MINAR2: variants seen among roughly 807,000 people sequenced by gnomAD.
MINAR2 encodes the protein major intrinsically disordered NOTCH2-binding receptor 1-like.
Under a neutral mutation model 16.1 loss-of-function variants are expected in MINAR2, and 21 were observed. The observed-to-expected ratio is 1.31, with a 90% CI of 0.93 to 1.88. The LOEUF (loss-of-function observed/expected upper bound fraction) is 1.88, where lower values mean the gene tolerates loss of function less well. Ranked by LOEUF, MINAR2 falls within the 40% of genes most tolerant of loss-of-function variation. The pLI is 0.00. For synonymous variants in MINAR2, 86 were observed against 83.0 expected (o/e 1.04, Z -0.20); for missense variants, 259 against 229.8 (o/e 1.13, Z -0.82).
At chr5:129,756,934 T>TAAAAAA (rs34547893) in intron 1 of MINAR2, among the ~76,000 whole-genome samples, 13 of 73,972 alleles carry the variant, frequency 1.8e-4, no homozygotes, top group South Asian at 5.0e-4. Context: ...CTTTCCACAG[T>TAAAAAA]AAAAAAAAAA....
intron 1 of MINAR2, among the ~76,000 whole-genome samples, chr5:129,758,578 A>T (rs1758084760): frequency 6.6e-6 from 1 of 151,988 alleles, no homozygotes; most frequent in Non-Finnish European, 1.5e-5. Flanking sequence ...ATTGTAATAG[A>T]GTGTGTACTT....
At chr5:129,751,241 C>A (rs1381527677) in intron 1 of MINAR2, among the ~76,000 whole-genome samples, 3 of 152,038 alleles carry the variant, frequency 2.0e-5, no homozygotes, top group Non-Finnish European at 2.9e-5. Flanking sequence ...CATAGTCTCA[C>A]TCTGTCACCC....
Position 129,765,152 on chromosome 5 carries a change from AC to A in MINAR2, c.*90del, listed in dbSNP as rs1204077962. ...CCCCCCCCACCAAAATAACAAAAAA[AC>A]ACATGTACATGCAGTGTGAATGGAT... On this transcript the variant is annotated 3_prime_UTR_variant, in exon 3 of 3. Transcript: ENST00000564719. 2.1e-5 allele frequency: 15 copies of A among 699,324 alleles called. No homozygotes were observed. The highest frequency in any genetic ancestry group is 6.0e-5 in the South Asian group (1 of 16,732). The allele number at this position is 699,324 out of a possible 1,614,324, so 43.3% of individuals were successfully genotyped here. A position where few individuals can be genotyped will look rare whatever the true frequency, so the allele number is the denominator to read the frequency against.
chr5:129,764,710 C>T (rs1758185491), intron 2 of MINAR2, among the ~76,000 whole-genome samples, 174 bp from the exon 3 acceptor site: 2 of 151,912 alleles, frequency 1.3e-5, no homozygotes, highest in African/African-American at 2.4e-5. Context: ...CAATTTTATG[C>T]TATTCAAGGA....
At position 129,766,378 on chromosome 5, in the gene MINAR2, C is replaced by G. The variant is rs1171841991; in HGVS notation, c.*1315C>G. ...TTGGGCTGGGCGCGGTGGCTCGCGC[C>G]TGTAATCCCAGCACTTTGGGAGGCT... On this transcript the variant is annotated 3_prime_UTR_variant, in exon 3 of 3. Transcript: ENST00000564719. The G allele has an allele frequency of 6.6e-6, 1 of 152,244 alleles. No homozygotes were observed. The highest frequency in any genetic ancestry group is 1.5e-5 in the Non-Finnish European group (1 of 68,108). The allele number at this position is 152,244 out of a possible 1,614,324, so 9.4% of individuals were successfully genotyped here.
intron 2 of MINAR2, among the ~76,000 whole-genome samples, chr5:129,763,115 A>G (rs1396832076): frequency 6.6e-6 from 1 of 152,156 alleles, no homozygotes; most frequent in Non-Finnish European, 1.5e-5. Context: ...ATATACAATG[A>G]GTGCCATGTT....
At chr5:129,760,827 G>A (rs1038001424) in intron 2 of MINAR2, among the ~76,000 whole-genome samples, 1 of 152,158 alleles carries the variant, frequency 6.6e-6, no homozygotes, top group Non-Finnish European at 1.5e-5. Flanking sequence ...ACTGTACAGT[G>A]TAGAGAAGAA....
At chr5:129,754,540 T>TA (rs1490882624) in intron 1 of MINAR2, among the ~76,000 whole-genome samples, 1 of 152,170 alleles carries the variant, frequency 6.6e-6, no homozygotes, top group Admixed American at 6.5e-5. Flanking sequence ...GACCATGATG[T>TA]ATCGTTTTAT....
intron 1 of MINAR2, among the ~76,000 whole-genome samples, chr5:129,756,347 T>C (rs1375596514): frequency 6.6e-6 from 1 of 152,046 alleles, no homozygotes; most frequent in Non-Finnish European, 1.5e-5. Context: ...TTTCCATAAG[T>C]TATTGAGGTA....
At chr5:129,755,236 T>C (rs1758040520) in intron 1 of MINAR2, among the ~76,000 whole-genome samples, 1 of 152,128 alleles carries the variant, frequency 6.6e-6, no homozygotes. Context: ...TATTGTAGGA[T>C]TCTGTTCAGC....
At chr5:129,759,016 A>G (rs1225288562) in intron 1 of MINAR2, among the ~76,000 whole-genome samples, 1 of 152,062 alleles carries the variant, frequency 6.6e-6, no homozygotes, top group Non-Finnish European at 1.5e-5. Flanking sequence ...AAATTAGGGA[A>G]ATCCAACACC....
intron 2 of MINAR2, chr5:129,762,809 T>TGAAAG (rs2149547039): frequency 1.2e-5 from 2 of 171,102 alleles, no homozygotes; most frequent in South Asian, 3.5e-4. Flanking sequence ...AAATCACATC[T>TGAAAG]GATTATAAAA....
At chr5:129,751,030 G>A (rs900149627) in intron 1 of MINAR2, among the ~76,000 whole-genome samples, 2 of 152,078 alleles carry the variant, frequency 1.3e-5, no homozygotes, top group African/African-American at 2.4e-5. Context: ...CTTCAAACTC[G>A]GGGTAACTCA....
At position 129,748,238 on chromosome 5, in the gene MINAR2, G is replaced by A. The variant is rs945555143; in HGVS notation, c.48G>A (p.Leu16=). 1.3e-6 allele frequency: 2 copies of A among 1,535,214 alleles called. No homozygotes were observed. The change falls in exon 1 of 3, where the codon CTG becomes CTA. Residue 16 remains leucine, a synonymous_variant. Coordinates refer to ENST00000564719, the MANE Select transcript of MINAR2 (RefSeq NM_001257308.2). Reference sequence around the variant, plus strand: ...ATAACAACCATCCTGACAAATTCCTGCAGCTTGACGTAAAGTCTTTAACGA... The same window carrying A: ...ATAACAACCATCCTGACAAATTCCTACAGCTTGACGTAAAGTCTTTAACGA... ...LPNNNHPDKF[L]QLDVKSLTRS...
intron 1 of MINAR2, among the ~76,000 whole-genome samples, chr5:129,753,765 G>A (rs752488030): frequency 3.0e-4 from 46 of 150,960 alleles, no homozygotes; most frequent in Admixed American, 1.3e-3. Context: ...GAGAGAGAGA[G>A]AGAGAGTGAG....
rs1757938327 is a variant in MINAR2 at position 129,748,107 on chromosome 5, G to A, written c.-84G>A. The A allele has an allele frequency of 7.7e-7, 1 of 1,293,360 alleles. No homozygotes were observed. The highest frequency in any genetic ancestry group is 1.1e-6 in the Non-Finnish European group (1 of 950,146). 80.1% of individuals were successfully genotyped at this position (1,293,360 alleles called of 1,614,324 possible). On this transcript the variant is annotated 5_prime_UTR_variant, in exon 1 of 3. Transcript: ENST00000564719. ...AGACTTGGTTTCAGATGCAGTCAGAGCATCCTCAGGCACATTAATAATGGA... is the reference window on the plus strand; with the variant it reads ...AGACTTGGTTTCAGATGCAGTCAGAACATCCTCAGGCACATTAATAATGGA...
chr5:129,763,477 G>T (rs1201171254), intron 2 of MINAR2, among the ~76,000 whole-genome samples: 2 of 152,248 alleles, frequency 1.3e-5, no homozygotes, highest in African/African-American at 4.8e-5. Flanking sequence ...AAAGAGAAAA[G>T]AAATCCATGT....
In MINAR2 at chr5:129,753,480, C is replaced by CAAAAA. The variant is rs758914420; in HGVS notation, c.165+5139_165+5143dup. 3.3e-3 allele frequency among the ~76,000 whole-genome samples: 333 copies of CAAAAA among 100,760 alleles called. 2 individuals carry two copies. Among genetic ancestry groups the CAAAAA allele is most frequent in the African/African-American group, 0.011 (269 of 24,056 alleles). 66.1% of individuals were successfully genotyped at this position (100,760 alleles called of 152,430 possible). On this transcript the variant is annotated intron_variant, in intron 1 of 2. Transcript: ENST00000564719. ...CCCAGGCAACAGAGCAAGACTGTCTCAAAAAAAAAAAAAAAAAAGTCCCAG... is the reference window on the plus strand; with the variant it reads ...CCCAGGCAACAGAGCAAGACTGTCTCAAAAAAAAAAAAAAAAAAAAAAAGTCCCAG...
At chr5:129,748,536 A>C (rs1757946598) in intron 1 of MINAR2, among the ~76,000 whole-genome samples, 181 bp downstream of exon 1, 2 of 152,180 alleles carry the variant, frequency 1.3e-5, no homozygotes, top group Non-Finnish European at 2.9e-5. Context: ...TTATTCATAA[A>C]ATACATGGAT....
Sources: allele counts gnomAD v4.1 joint callset (sites outside exome capture counted in the v4.1 genomes callset), GRCh38; gene constraint gnomAD v4.1.1; transcripts MANE v1.5; gene names NCBI Gene and HGNC (gene_info 2026-07-23, HGNC 2026-07-21).